PUDP: variants seen among roughly 807,000 people sequenced by gnomAD.
PUDP encodes pseudouridine 5'-phosphatase, also known as pseudouridine-5'-phosphatase.
PUDP carries 8 observed loss-of-function variants against 9.4 expected under a neutral mutation model. That is an observed-to-expected ratio of 0.85 (90% CI 0.50 to 1.53). The LOEUF (loss-of-function observed/expected upper bound fraction) is 1.53. PUDP is among the 40% of genes most tolerant of loss of function. PUDP has a pLI of 0.00. For missense variants in PUDP, 188 were observed against 189.7 expected (o/e 0.99, Z 0.05); for synonymous variants, 99 against 80.7 (o/e 1.23, Z -1.22).
intron 3 of PUDP, among the ~76,000 whole-genome samples, chrX:6,820,119 C>T (rs1926316652): frequency 9.2e-6 from 1 of 108,669 alleles, no homozygotes; most frequent in Non-Finnish European, 1.9e-5. Flanking sequence ...ATGGTGGCGG[C>T]AAGAGAAAAT....
chrX:6,908,009 C>T (rs925587306), intron 3 of PUDP, among the ~76,000 whole-genome samples: 1 of 112,532 alleles, frequency 8.9e-6, no homozygotes, highest in African/African-American at 3.2e-5. Context: ...GGACAACATA[C>T]TGGATGAATG....
intron 3 of PUDP, among the ~76,000 whole-genome samples, chrX:7,053,856 G>A (rs1201654256): frequency 1.8e-5 from 2 of 111,622 alleles, no homozygotes; most frequent in African/African-American, 6.5e-5. Flanking sequence ...AAGTGTCTGC[G>A]GCACTGACAG....
chrX:7,003,167 A>C (rs1037939336), intron 1 of PUDP, among the ~76,000 whole-genome samples: 2 of 111,880 alleles, frequency 1.8e-5, no homozygotes, highest in African/African-American at 3.3e-5. Flanking sequence ...GATCTCTCCA[A>C]GTGTTTGAAA....
chrX:6,916,348 G>A (rs1927933993), intron 3 of PUDP, among the ~76,000 whole-genome samples: 1 of 108,630 alleles, frequency 9.2e-6, no homozygotes, highest in South Asian at 4.0e-4. Flanking sequence ...GCTACACACT[G>A]TGTCGTGCCT....
intron 1 of PUDP, among the ~76,000 whole-genome samples, chrX:7,115,133 C>T (rs986410173): frequency 1.7e-4 from 19 of 112,289 alleles, no homozygotes; most frequent in South Asian, 3.7e-4. Flanking sequence ...AGCATTCTCA[C>T]GGACATGGCC....
At chrX:6,808,174 G>C (rs1299756200) in intron 3 of PUDP, among the ~76,000 whole-genome samples, 1 of 111,065 alleles carries the variant, frequency 9.0e-6, no homozygotes, top group Non-Finnish European at 1.9e-5. Context: ...AAAAAAAAAT[G>C]ATGAGCATTA....
intron 1 of PUDP, among the ~76,000 whole-genome samples, chrX:6,709,678 G>A (rs1237062855): frequency 1.8e-5 from 2 of 112,410 alleles, no homozygotes; most frequent in East Asian, 5.6e-4. Context: ...TTCTTAAAAT[G>A]ATGTAATTTT....
chrX:6,720,607 G>A (rs942192336), intron 1 of PUDP, among the ~76,000 whole-genome samples: 10 of 107,017 alleles, frequency 9.3e-5, no homozygotes, highest in Non-Finnish European at 1.5e-4. Flanking sequence ...TACCAATACC[G>A]TATTGTTTAC....
At chrX:6,896,293 A>G (rs1003673988) in intron 3 of PUDP, among the ~76,000 whole-genome samples, 1 of 111,464 alleles carries the variant, frequency 9.0e-6, no homozygotes, top group African/African-American at 3.3e-5. Flanking sequence ...CGTGGAGAAG[A>G]CCCTTGAGCG....
intron 1 of PUDP, among the ~76,000 whole-genome samples, chrX:6,715,340 A>C (rs1352313539): frequency 3.6e-5 from 4 of 111,118 alleles, no homozygotes; most frequent in Non-Finnish European, 7.5e-5. Flanking sequence ...AGTTTTGCTA[A>C]ATGGCCTTAA....
chrX:6,725,308 G>T (rs1924726552), upstream of PUDP, among the ~76,000 whole-genome samples: 1 of 111,948 alleles, frequency 8.9e-6, no homozygotes, highest in Non-Finnish European at 1.9e-5. Flanking sequence ...TAGTGGTGAA[G>T]TCTGGGCTTT....
intron 3 of PUDP, among the ~76,000 whole-genome samples, chrX:6,810,032 G>A (rs753392128): frequency 9.1e-6 from 1 of 110,266 alleles, no homozygotes; most frequent in Admixed American, 9.7e-5. Flanking sequence ...GTGAGTCGTG[G>A]TGGTGCCACT....
At chrX:6,838,770 T>A (rs369719289) in intron 3 of PUDP, among the ~76,000 whole-genome samples, 1 of 112,141 alleles carries the variant, frequency 8.9e-6, no homozygotes, top group African/African-American at 3.2e-5. Context: ...TGTTGTTTGT[T>A]ATTTTGTCTG....
intron 1 of PUDP, among the ~76,000 whole-genome samples, chrX:7,110,213 C>T (rs140706376): frequency 7.1e-4 from 80 of 112,478 alleles, no homozygotes; most frequent in African/African-American, 2.6e-3. Context: ...TATGGAAGCC[C>T]TGTGCCTGGA....
chrX:6,877,650 C>G (rs1048580830), intron 3 of PUDP, among the ~76,000 whole-genome samples: 2 of 111,962 alleles, frequency 1.8e-5, no homozygotes, highest in Admixed American at 1.9e-4. Context: ...CCACAGGCAT[C>G]TATCAGAGAG....
chrX:7,048,162 G>T (rs1324570220), downstream of PUDP, among the ~76,000 whole-genome samples: 1 of 112,181 alleles, frequency 8.9e-6, no homozygotes, highest in Admixed American at 9.5e-5. Flanking sequence ...AAATTAAGAT[G>T]ACGTTGATAG....
chrX:6,964,246 G>A (rs145709285), intron 3 of PUDP, among the ~76,000 whole-genome samples: 1 of 112,454 alleles, frequency 8.9e-6, no homozygotes, highest in East Asian at 2.8e-4. Context: ...TCTGGAAAAT[G>A]TACAGGAAAT....
downstream of PUDP, among the ~76,000 whole-genome samples, chrX:7,048,213 C>T (rs1248418212): frequency 1.8e-5 from 2 of 112,190 alleles, no homozygotes; most frequent in Non-Finnish European, 3.8e-5. Context: ...ACAGGTCCTT[C>T]CTAGGGGCAC....
intron 2 of PUDP, among the ~76,000 whole-genome samples, chrX:7,087,349 A>G (rs1429363844): frequency 9.0e-6 from 1 of 111,439 alleles, no homozygotes; most frequent in Non-Finnish European, 1.9e-5. Context: ...AGCAGCTGAA[A>G]AGAGGCAGGA....
Sources: gnomAD v4.1 joint callset for allele counts (sites outside exome capture counted in the v4.1 genomes callset) on GRCh38, gnomAD v4.1.1 for gene constraint, MANE v1.5 for transcripts, NCBI Gene and HGNC (gene_info 2026-07-23, HGNC 2026-07-21) for gene names.